Variants in PRKN observed in about 807,000 individuals in gnomAD.
The protein encoded by PRKN is E3 ubiquitin-protein ligase parkin.
A neutral mutation model predicts 59.5 loss-of-function variants in PRKN; 56 were observed. The ratio of observed to expected loss-of-function variants is 0.94; its 90% CI spans 0.76 to 1.18. The LOEUF (loss-of-function observed/expected upper bound fraction) is 1.18, where lower values mean the gene tolerates loss of function less well. Among genes scored for constraint, PRKN ranks in the 50% most tolerant of loss-of-function variants. PRKN has a pLI of 0.00. For synonymous variants in PRKN, 250 were observed against 222.1 expected (o/e 1.13, Z -1.12); for missense variants, 657 against 596.4 (o/e 1.10, Z -1.06).
chr6:162,499,447 C>G (rs180871522), intron 1 of PRKN, among the ~76,000 whole-genome samples: 1 of 152,200 alleles, frequency 6.6e-6, no homozygotes, highest in Admixed American at 6.5e-5. Flanking sequence ...TCTTGCAGGC[C>G]GTATGATACT....
At chr6:162,484,522 A>G (rs1314314036) in intron 1 of PRKN, among the ~76,000 whole-genome samples, 3 of 152,196 alleles carry the variant, frequency 2.0e-5, no homozygotes, top group Non-Finnish European at 2.9e-5. Flanking sequence ...TGAGATGGGT[A>G]TGACTGAGTT....
At chr6:162,479,287 G>A (rs1300972661) in intron 1 of PRKN, among the ~76,000 whole-genome samples, 1 of 151,556 alleles carries the variant, frequency 6.6e-6, no homozygotes, top group Admixed American at 6.6e-5. Context: ...GTGCGGTGGT[G>A]TGATCTTGGC....
At chr6:162,687,127 T>C (rs965882479) in intron 1 of PRKN, among the ~76,000 whole-genome samples, 2 of 152,010 alleles carry the variant, frequency 1.3e-5, no homozygotes, top group African/African-American at 2.4e-5. Flanking sequence ...TTCGGCAGGA[T>C]GGTCGTTTTA....
intron 7 of PRKN, among the ~76,000 whole-genome samples, chr6:161,628,350 CTG>C (rs375618358): frequency 2.3e-4 from 35 of 152,294 alleles, no homozygotes; most frequent in African/African-American, 8.2e-4. Flanking sequence ...ATGGTGGAGT[CTG>C]TGTCTGATGA....
chr6:161,920,403 C>G (rs6942074), intron 6 of PRKN, among the ~76,000 whole-genome samples: 2,348 of 151,540 alleles, frequency 0.015, 63 homozygotes, highest in African/African-American at 0.052. Context: ...AAAAGGAAAC[C>G]ATAAAACAAT....
intron 7 of PRKN, among the ~76,000 whole-genome samples, chr6:161,600,185 T>C (rs1782057686): frequency 6.6e-6 from 1 of 152,208 alleles, no homozygotes. Context: ...TATTTCTTCT[T>C]TCTCTCATCC....
At chr6:162,112,903 A>G (rs1346016899) in intron 4 of PRKN, among the ~76,000 whole-genome samples, 1 of 152,176 alleles carries the variant, frequency 6.6e-6, no homozygotes, top group East Asian at 1.9e-4. Flanking sequence ...ACCCTGCACA[A>G]CAGAGCAAGA....
At chr6:162,603,519 C>A (rs191252924) in intron 1 of PRKN, among the ~76,000 whole-genome samples, 4 of 152,246 alleles carry the variant, frequency 2.6e-5, no homozygotes, top group East Asian at 1.9e-4. Flanking sequence ...GGACAAAGAA[C>A]CTTACGGCCC....
intron 7 of PRKN, among the ~76,000 whole-genome samples, chr6:161,570,146 A>T (rs13190837): frequency 0.12 from 8,833 of 75,978 alleles, 811 homozygotes; most frequent in African/African-American, 0.16. Context: ...AAAAAAAAAA[A>T]ATATATATAT....
intron 2 of PRKN, among the ~76,000 whole-genome samples, chr6:162,301,259 G>T (rs1781938410): frequency 6.6e-6 from 1 of 152,110 alleles, no homozygotes; most frequent in Non-Finnish European, 1.5e-5. Context: ...GAAGAGAGAA[G>T]ACCAGATTCC....
chr6:161,706,304 C>T (rs2128180746), intron 7 of PRKN, among the ~76,000 whole-genome samples: 1 of 152,336 alleles, frequency 6.6e-6, no homozygotes, highest in East Asian at 1.9e-4. Flanking sequence ...ATCCCACCCG[C>T]TTTTCAGGAC....
chr6:161,685,328 C>T (rs917539488), intron 7 of PRKN, among the ~76,000 whole-genome samples: 22 of 152,136 alleles, frequency 1.4e-4, no homozygotes, highest in African/African-American at 5.3e-4. Context: ...ACTTGAGACC[C>T]ATCGCATGAT....
Position 161,567,028 on chromosome 6 carries a change from T to TG in PRKN, c.933+2326_933+2327insC, listed in dbSNP as rs1245328021. Among the ~76,000 whole-genome samples, 118 of 115,968 alleles carry TG rather than the reference T, an allele frequency of 1.0e-3. 1 individual carries two copies. Among genetic ancestry groups the TG allele is most frequent in the African/African-American group, 4.0e-3 (117 of 29,216 alleles). 76.1% of individuals were successfully genotyped at this position (115,968 alleles called of 152,430 possible). On this transcript the variant is annotated intron_variant, in intron 8 of 11. Transcript: ENST00000366898. Reference sequence around the variant, plus strand: ...TCCAGTATTCACTGTCCTTGTTTTTTTTTTTTTTTTGTGTGTGTGTGTGTG... The same window carrying TG: ...TCCAGTATTCACTGTCCTTGTTTTTTGTTTTTTTTTTGTGTGTGTGTGTGTG...
Position 161,454,847 on chromosome 6 carries a change from G to T in PRKN, c.1084-67970C>A, listed in dbSNP as rs1789892464. 6.6e-6 allele frequency among the ~76,000 whole-genome samples: 1 copy of T among 152,012 alleles called. No individual in the cohort carries two copies. Among genetic ancestry groups the T allele is most frequent in the African/African-American group, 2.4e-5 (1 of 41,380 alleles). ...ATCACCTCTCCAGTAAAACCATCTAGCCTGTCTAAAGTCATCCTTCCACTC... is the reference window on the plus strand; with the variant it reads ...ATCACCTCTCCAGTAAAACCATCTATCCTGTCTAAAGTCATCCTTCCACTC... On this transcript the variant is annotated intron_variant, in intron 9 of 11. Transcript: ENST00000366898. The surrounding 1 kb of genome is among the most constrained non-coding windows in gnomAD (Gnocchi z 4.6).
intron 9 of PRKN, among the ~76,000 whole-genome samples, chr6:161,482,547 C>G (rs1791451687): frequency 6.6e-6 from 1 of 152,212 alleles, no homozygotes; most frequent in South Asian, 2.1e-4. Flanking sequence ...TAAATACATA[C>G]TTTCTCTACA....
chr6:161,817,017 C>T (rs766307354), intron 6 of PRKN, among the ~76,000 whole-genome samples: 6 of 152,116 alleles, frequency 3.9e-5, no homozygotes, highest in South Asian at 4.1e-4. Flanking sequence ...CACATGCACA[C>T]GTACTCACAC....
chr6:161,974,506 C>T (rs528176093), intron 5 of PRKN, among the ~76,000 whole-genome samples: 12 of 152,242 alleles, frequency 7.9e-5, no homozygotes, highest in Admixed American at 2.0e-4. Context: ...TTCTCAACCA[C>T]GTTTTTTCTT....
intron 7 of PRKN, among the ~76,000 whole-genome samples, chr6:161,735,870 G>C (rs1187335276): frequency 6.6e-6 from 1 of 151,920 alleles, no homozygotes; most frequent in African/African-American, 2.4e-5. Context: ...AGCCGAGATT[G>C]CTCCATTGTA....
chr6:162,011,831 T>G (rs930208047), intron 5 of PRKN, among the ~76,000 whole-genome samples: 1 of 151,884 alleles, frequency 6.6e-6, no homozygotes, highest in Non-Finnish European at 1.5e-5. Context: ...ATAGCAACTA[T>G]CAAATTATTT....
Sources: allele counts gnomAD v4.1 joint callset (sites outside exome capture counted in the v4.1 genomes callset), GRCh38; gene constraint gnomAD v4.1.1; non-coding constraint Gnocchi (gnomAD v3.1); transcripts MANE v1.5; gene names NCBI Gene and HGNC (gene_info 2026-07-23, HGNC 2026-07-21).